Variants in SLX4 observed in about 807,000 individuals in gnomAD.
SLX4 encodes the protein SLX4 structure-specific endonuclease subunit, also known as structure-specific endonuclease subunit SLX4.
A neutral mutation model predicts 146.2 loss-of-function variants in SLX4; 112 were observed. That is an observed-to-expected ratio of 0.77 (90% CI 0.66 to 0.90). The LOEUF (loss-of-function observed/expected upper bound fraction) is 0.90. Among genes scored for constraint, SLX4 ranks in the 40% least tolerant of loss-of-function variants. The pLI is 0.00. For missense variants in SLX4, 2,563 were observed against 2,392.7 expected, an observed-to-expected ratio of 1.07 and a Z score of -1.49; for synonymous variants, 1,061 against 997.7, an observed-to-expected ratio of 1.06 and a Z score of -1.20.
rs1262797080 is a variant in SLX4 at position 3,583,369 on chromosome 16, C to T, written c.4881G>A (p.Gln1627=). The T allele has an allele frequency of 1.2e-6, 2 of 1,613,142 alleles. No homozygotes were observed. Among genetic ancestry groups the T allele is most frequent in the African/African-American group, 2.7e-5 (2 of 74,904 alleles). ...GCTTGTAGGTCTGGGAGGCGAGGGT[C>T]TGGCAGTGAGGCGCCTGCAACAGCG... ...SQPLLQAPHC[Q]TLASQTYKPS... The change falls in exon 14 of 15, where the codon CAG becomes CAA. Residue 1627 remains glutamine (Q), a synonymous_variant. Transcript: ENST00000294008.
chr16:3,606,557 T>C lies in SLX4; in HGVS notation c.677A>G (p.His226Arg). The C allele has an allele frequency of 6.2e-7, 1 of 1,614,234 alleles. No homozygotes were observed. The highest frequency in any genetic ancestry group is 8.5e-7 in the Non-Finnish European group (1 of 1,180,052). ...CTCGAGGGAGCACTCTTCTGAAGCG[T>C]GTCTCAAACGCTCGGGGTCTGCTCT... is the stretch of plus-strand genomic sequence containing the variant. ...FKRADPERLR[H>R]ASEECSLEAA... Residue 226 changes from histidine to arginine, a missense_variant, in exon 3 of 15, where the codon CAC becomes CGC. Coordinates refer to ENST00000294008, the MANE Select transcript of SLX4 (RefSeq NM_032444.4).
intron 3 of SLX4, among the ~76,000 whole-genome samples, chr16:3,602,880 T>C (rs1027365503): frequency 6.6e-6 from 1 of 152,188 alleles, no homozygotes; most frequent in Non-Finnish European, 1.5e-5. Flanking sequence ...GATTCTGGTC[T>C]TGAGATGGCT....
rs1206649381 is a variant in SLX4, at chr16:3,602,104, C to A, written c.950+14G>T. 2.5e-6 allele frequency: 4 copies of A among 1,614,052 alleles called. No individual in the cohort carries two copies. The East Asian group carries it at 8.9e-5, about 36-fold the overall frequency. On this transcript the variant is annotated intron_variant, in intron 4 of 14. Transcript: ENST00000294008. ...CACATACACGGGAGAGGCGACGGCC[C>A]AAGCTGCCCCCACCTGTTCACATGC... is the stretch of plus-strand genomic sequence containing the variant.
intron 4 of SLX4, 110 bp downstream of exon 4, chr16:3,602,008 G>T: frequency 2.3e-6 from 3 of 1,277,620 alleles, no homozygotes; most frequent in Non-Finnish European, 3.4e-6. Flanking sequence ...TGACAACAAA[G>T]CTGAGGTGCT....
At chr16:3,584,578 C>G (rs1312941808) in intron 13 of SLX4, among the ~76,000 whole-genome samples, 191 bp downstream of exon 13, 1 of 152,170 alleles carries the variant, frequency 6.6e-6, no homozygotes, top group Non-Finnish European at 1.5e-5. Flanking sequence ...GGGAGGCTCA[C>G]CCCGGCACCC....
intron 2 of SLX4, 57 bp from the exon 3 acceptor site, chr16:3,606,755 T>C: frequency 6.3e-7 from 1 of 1,585,150 alleles, no homozygotes; most frequent in Non-Finnish European, 8.7e-7. Context: ...ATAAAAGACT[T>C]TTCTACCAGA....
Position 3,608,525 on chromosome 16 carries a change from G to A in SLX4, c.440C>T (p.Ala147Val), listed in dbSNP as rs375834712. ...VNGEGGVLAS[A>V]PDPPVLRETA... Reference sequence around the variant, plus strand: ...TTCCCGGAGCACAGGTGGATCTGGAGCAGAGGCAAGCACACCCCCCTCCCC... The same window carrying A: ...TTCCCGGAGCACAGGTGGATCTGGAACAGAGGCAAGCACACCCCCCTCCCC... Residue 147 changes from alanine to valine, a missense_variant, in exon 2 of 15, where the codon GCT (alanine) becomes GTT (valine). Ala to Val is a moderately conservative substitution (Grantham distance 64). Coordinates refer to ENST00000294008, the MANE Select transcript of SLX4 (RefSeq NM_032444.4). The A allele has an allele frequency of 2.5e-6, 4 of 1,614,076 alleles. No homozygotes were observed. In the African/African-American group the frequency reaches 4.0e-5, roughly 16 times the overall value.
At chr16:3,593,057 T>A (rs1307270134) in intron 10 of SLX4, among the ~76,000 whole-genome samples, 192 bp from the exon 11 acceptor site, 1 of 152,186 alleles carries the variant, frequency 6.6e-6, no homozygotes, top group African/African-American at 2.4e-5. Context: ...ACTCCTAGGC[T>A]AATTTTAAAT....
chr16:3,584,736 C>T lies in SLX4; in HGVS notation c.4739+33G>A, dbSNP rs1324060859. 2.6e-6 allele frequency: 4 copies of T among 1,522,256 alleles called. No individual in the cohort carries two copies. The South Asian group carries it at 4.5e-5, about 17-fold the overall frequency. The allele number at this position is 1,522,256 out of a possible 1,614,324, so 94.3% of individuals were successfully genotyped here. On this transcript the variant is annotated intron_variant, in intron 13 of 14. Transcript: ENST00000294008. ...CAGTTACTTATGGGAGGGAAAAGACCACTGTGGGCAACAAGCTTTGAAGAC... is the reference window on the plus strand; with the variant it reads ...CAGTTACTTATGGGAGGGAAAAGACTACTGTGGGCAACAAGCTTTGAAGAC...
In SLX4 at chr16:3,590,331, G is replaced by A. The variant is rs200708159; in HGVS notation, c.3307C>T (p.Arg1103Cys). The change falls in exon 12 of 15, where the codon CGT (arginine) becomes TGT (cysteine). Residue 1103 changes from arginine to cysteine, a missense_variant. Coordinates refer to ENST00000294008, the MANE Select transcript of SLX4 (RefSeq NM_032444.4). This position sits in a 1 kb window ranked among gnomAD's most constrained non-coding sequence, Gnocchi z 4.8. ...TTTCTGCACTCCAGCACGGACCGACGCTCTTTGCCTTTCTGGTGCCCTGGC... is the reference window on the plus strand; with the variant it reads ...TTTCTGCACTCCAGCACGGACCGACACTCTTTGCCTTTCTGGTGCCCTGGC... Reference protein sequence around the residue: ...KEPGHQKGKERRSVLECRNKG... With the variant: ...KEPGHQKGKECRSVLECRNKG... The A allele has an allele frequency of 1.7e-5, 28 of 1,614,170 alleles. 1 individual carries two copies. The highest frequency in any genetic ancestry group is 6.7e-5 in the East Asian group (3 of 44,868).
In SLX4 at chr16:3,591,241, T is replaced by TGGTTTGCC; in HGVS notation, c.2389_2396dup (p.Trp800AlafsTer23). 4 of 1,613,520 alleles carry TGGTTTGCC rather than the reference T, an allele frequency of 2.5e-6. No individual in the cohort carries two copies. Among genetic ancestry groups the TGGTTTGCC allele is most frequent in the Non-Finnish European group, 3.4e-6 (4 of 1,180,016 alleles). On this transcript the variant is annotated frameshift_variant, in exon 12 of 15. Transcript: ENST00000294008. LOFTEE classifies it high-confidence loss of function. Reference sequence around the variant, plus strand: ...AATTCTCTGCTTCCTTCTCCTCCCATGGTTTGCCCTCTGAGTCAGTGGCAA... The same window carrying TGGTTTGCC: ...AATTCTCTGCTTCCTTCTCCTCCCATGGTTTGCCGGTTTGCCCTCTGAGTCAGTGGCAA...
At chr16:3,605,752 C>G (rs1470246546) in intron 3 of SLX4, among the ~76,000 whole-genome samples, 1 of 148,712 alleles carries the variant, frequency 6.7e-6, no homozygotes, top group Non-Finnish European at 1.5e-5. Flanking sequence ...TCGAGACCAT[C>G]CTGGCTAACA....
chr16:3,596,405 C>T lies in SLX4; in HGVS notation c.1684-12G>A, dbSNP rs1278821485. On this transcript the variant is annotated splice_polypyrimidine_tract_variant and intron_variant, in intron 7 of 14. Coordinates refer to ENST00000294008, the MANE Select transcript of SLX4 (RefSeq NM_032444.4). Reference sequence around the variant, plus strand: ...TCCTGCATAAGGCCCTGAAAGAAGCCAGTAAGGAGAGTGACCACGTGGTCA... The same window carrying T: ...TCCTGCATAAGGCCCTGAAAGAAGCTAGTAAGGAGAGTGACCACGTGGTCA... 1.9e-6 allele frequency: 3 copies of T among 1,583,058 alleles called. No homozygotes were observed. Among genetic ancestry groups the T allele is most frequent in the Non-Finnish European group, 2.6e-6 (3 of 1,161,226 alleles).
rs776060270 is a variant in SLX4 at position 3,590,511 on chromosome 16, C to A, written c.3127G>T (p.Gly1043Trp). 1 of 1,613,438 alleles carries A rather than the reference C, an allele frequency of 6.2e-7. No homozygotes were observed. Among genetic ancestry groups the A allele is most frequent in the South Asian group, 1.1e-5 (1 of 91,078 alleles). ...GTGTGATGAGACCCGCGGGGACTCC[C>A]GCCCTGGGGAGGCCCCAATAGGAAG... ...CRFLLGPPQGGSPRGSHHTSG... is the reference protein window; with the variant it reads ...CRFLLGPPQGWSPRGSHHTSG... The change falls in exon 12 of 15, where the codon GGG (glycine) becomes TGG (tryptophan). Residue 1043 changes from glycine (G) to tryptophan (W), a missense_variant. Transcript: ENST00000294008. This position sits in a 1 kb window ranked among gnomAD's most constrained non-coding sequence, Gnocchi z 4.8.
Position 3,582,188 on chromosome 16 carries a change from C to G in SLX4, c.*154G>C, listed in dbSNP as rs1323743850. ...CCAGAGGAGGAAGCCCTGGATTGGG[C>G]TGTGGTCATCATCACAGCGCAGAGC... is the stretch of plus-strand genomic sequence containing the variant. On this transcript the variant is annotated 3_prime_UTR_variant, in exon 15 of 15. Transcript: ENST00000294008. The G allele has an allele frequency of 4.6e-6, 3 of 649,906 alleles. No homozygotes were observed. Among genetic ancestry groups the G allele is most frequent in the Non-Finnish European group, 8.0e-6 (3 of 373,262 alleles). 40.3% of individuals were successfully genotyped at this position (649,906 alleles called of 1,614,324 possible).
intron 10 of SLX4, 52 bp from the exon 11 acceptor site, chr16:3,592,917 G>A: frequency 6.4e-7 from 1 of 1,567,160 alleles, no homozygotes; most frequent in South Asian, 1.2e-5. Flanking sequence ...GTTGTAACTT[G>A]GAGCAAAGCA....
Position 3,590,799 on chromosome 16 carries a change from C to T in SLX4, c.2839G>A (p.Glu947Lys). Residue 947 changes from glutamate to lysine, a missense_variant, in exon 12 of 15, where the codon GAG becomes AAG. Glu to Lys is a moderately conservative substitution (Grantham distance 56). Coordinates refer to ENST00000294008, the MANE Select transcript of SLX4 (RefSeq NM_032444.4). This position sits in a 1 kb window ranked among gnomAD's most constrained non-coding sequence, Gnocchi z 4.8. ...GARGAEAPEQEAPEEALGHSS... is the reference protein window; with the variant it reads ...GARGAEAPEQKAPEEALGHSS... ...TGGCCAAGCGCCTCCTCTGGCGCCTCCTGCTCAGGGGCCTCTGCTCCCCGT... is the reference window on the plus strand; with the variant it reads ...TGGCCAAGCGCCTCCTCTGGCGCCTTCTGCTCAGGGGCCTCTGCTCCCCGT... The T allele has an allele frequency of 6.2e-7, 1 of 1,614,054 alleles. No individual in the cohort carries two copies. Among genetic ancestry groups the T allele is most frequent in the Middle Eastern group, 1.6e-4 (1 of 6,062 alleles).
chr16:3,610,283 G>C (rs1271685905), intron 1 of SLX4, among the ~76,000 whole-genome samples: 1 of 152,188 alleles, frequency 6.6e-6, no homozygotes, highest in East Asian at 1.9e-4. Context: ...TTGTATGGCT[G>C]GCGCATTCTC....
chr16:3,601,800 G>C (rs1207996887), intron 4 of SLX4: 2 of 380,468 alleles, frequency 5.3e-6, no homozygotes, highest in Non-Finnish European at 1.0e-5. Context: ...TGTCAGGGGA[G>C]AGAGGGGCAA....
Sources: gnomAD v4.1 joint callset for allele counts (sites outside exome capture counted in the v4.1 genomes callset) on GRCh38, gnomAD v4.1.1 for gene constraint, Gnocchi (gnomAD v3.1) non-coding constraint, MANE v1.5 for transcripts, NCBI Gene and HGNC (gene_info 2026-07-23, HGNC 2026-07-21) for gene names.